Variants in SLC39A11 observed in about 807,000 individuals in gnomAD.
The protein encoded by SLC39A11 is solute carrier family 39 member 11, also known as zinc transporter ZIP11.
In SLC39A11, 33 loss-of-function variants were observed where a neutral mutation model predicts 36.1. That is an observed-to-expected ratio of 0.91 (90% CI 0.69 to 1.22). The LOEUF is 1.22. SLC39A11 is among the 50% of genes most tolerant of loss of function. The pLI, the probability that SLC39A11 is intolerant of heterozygous loss-of-function variation, is 0.00. For missense variants in SLC39A11, 432 were observed against 430.3 expected (o/e 1.00, Z -0.03); for synonymous variants, 166 against 170.3 (o/e 0.97, Z 0.20).
intron 6 of SLC39A11, among the ~76,000 whole-genome samples, chr17:72,742,473 A>C (rs2074757276): frequency 6.6e-6 from 1 of 152,150 alleles, no homozygotes; most frequent in South Asian, 2.1e-4. Context: ...CTTGTTTGGC[A>C]CTAACACACC....
chr17:72,981,496 T>C (rs530155598), intron 4 of SLC39A11, among the ~76,000 whole-genome samples: 150 of 151,776 alleles, frequency 9.9e-4, no homozygotes, highest in Non-Finnish European at 1.2e-3. Flanking sequence ...ACATACATTT[T>C]AATCTCTATC....
intron 4 of SLC39A11, among the ~76,000 whole-genome samples, chr17:73,020,636 G>A (rs76433793): frequency 6.6e-6 from 1 of 150,620 alleles, no homozygotes; most frequent in African/African-American, 2.4e-5. Flanking sequence ...CCATGTGAGA[G>A]AGAACAATGC....
At chr17:73,028,256 TA>T (rs553334612) in intron 4 of SLC39A11, among the ~76,000 whole-genome samples, 320 of 152,174 alleles carry the variant, frequency 2.1e-3, no homozygotes, top group African/African-American at 7.5e-3. Flanking sequence ...GCCCTGCTCC[TA>T]CCCTGTTAGA....
chr17:72,661,209 T>TAC (rs2070401153), intron 7 of SLC39A11, among the ~76,000 whole-genome samples: 1 of 152,112 alleles, frequency 6.6e-6, no homozygotes, highest in South Asian at 2.1e-4. Context: ...ATTCCAGGGG[T>TAC]ACTTTTCACC....
At position 72,824,647 on chromosome 17, in the gene SLC39A11, C is replaced by A. The variant is rs183500396; in HGVS notation, c.601+24987G>T. Among the ~76,000 whole-genome samples, 3 of 151,392 alleles carry A rather than the reference C, an allele frequency of 2.0e-5. No individual in the cohort carries two copies. The East Asian group carries it at 5.8e-4, about 29-fold the overall frequency. On this transcript the variant is annotated intron_variant, in intron 6 of 9. Transcript: ENST00000255559. The stretch of plus-strand genomic sequence containing the variant: ...TGTGACCAAAATGCTGATAGTGATA[C>A]GGACAATGAAGTCCAGGCTGAAGTG...
chr17:72,890,750 C>A (rs1357999656), intron 5 of SLC39A11, among the ~76,000 whole-genome samples: 2 of 152,092 alleles, frequency 1.3e-5, no homozygotes, highest in Non-Finnish European at 2.9e-5. Flanking sequence ...CTAAGTAGAA[C>A]TGTGAGTCTG....
intron 3 of SLC39A11, among the ~76,000 whole-genome samples, chr17:73,037,343 T>C (rs2058954652): frequency 6.6e-6 from 1 of 152,232 alleles, no homozygotes; most frequent in Non-Finnish European, 1.5e-5. Context: ...TCAGCAATGC[T>C]CCTTTATATG....
chr17:73,009,082 A>AG (rs1437310419), intron 4 of SLC39A11, among the ~76,000 whole-genome samples: 1 of 139,746 alleles, frequency 7.2e-6, no homozygotes, highest in Non-Finnish European at 1.6e-5. Flanking sequence ...AAAAAAAGGC[A>AG]GGGGGGCGGG....
chr17:72,808,165 C>T (rs143284659), intron 6 of SLC39A11, among the ~76,000 whole-genome samples: 469 of 152,226 alleles, frequency 3.1e-3, no homozygotes, highest in Non-Finnish European at 5.2e-3. Context: ...AGAAATGGAC[C>T]AGAGGCTCAT....
At chr17:72,988,515 G>A (rs781602816) in intron 4 of SLC39A11, among the ~76,000 whole-genome samples, 11 of 151,924 alleles carry the variant, frequency 7.2e-5, no homozygotes, top group Non-Finnish European at 1.6e-4. Flanking sequence ...ACTGACTCTA[G>A]TCACCCTACT....
At chr17:73,010,558 G>A (rs1277358686) in intron 4 of SLC39A11, among the ~76,000 whole-genome samples, 2 of 152,306 alleles carry the variant, frequency 1.3e-5, no homozygotes, top group African/African-American at 4.8e-5. Flanking sequence ...AACCTCCAGA[G>A]GGAGGTCTAG....
At chr17:72,831,453 G>T (rs982115872) in intron 6 of SLC39A11, among the ~76,000 whole-genome samples, 4 of 152,210 alleles carry the variant, frequency 2.6e-5, no homozygotes, top group African/African-American at 9.6e-5. Context: ...CAAATCACCT[G>T]TGAAGCAGAG....
At chr17:72,872,061 G>C (rs1207824122) in intron 5 of SLC39A11, among the ~76,000 whole-genome samples, 1 of 152,194 alleles carries the variant, frequency 6.6e-6, no homozygotes, top group African/African-American at 2.4e-5. Context: ...GTTCTGTGTT[G>C]AGTGATAGTA....
intron 6 of SLC39A11, among the ~76,000 whole-genome samples, chr17:72,790,664 T>A (rs904367884): frequency 6.6e-6 from 1 of 152,012 alleles, no homozygotes; most frequent in African/African-American, 2.4e-5. Flanking sequence ...CCTGAGTAGC[T>A]GGGATTACAG....
intron 7 of SLC39A11, among the ~76,000 whole-genome samples, chr17:72,728,373 T>C (rs564452663): frequency 2.1e-4 from 32 of 151,730 alleles, no homozygotes; most frequent in African/African-American, 6.8e-4. Flanking sequence ...GCCCAGGGGG[T>C]CGAGGGTGCA....
At chr17:72,675,287 C>T (rs953383057) in intron 7 of SLC39A11, among the ~76,000 whole-genome samples, 1 of 152,150 alleles carries the variant, frequency 6.6e-6, no homozygotes, top group African/African-American at 2.4e-5. Flanking sequence ...AGTGAGCTAG[C>T]TAGTTCTTCC....
intron 5 of SLC39A11, among the ~76,000 whole-genome samples, chr17:72,928,598 G>T (rs1278259526): frequency 6.6e-6 from 1 of 151,984 alleles, no homozygotes; most frequent in Non-Finnish European, 1.5e-5. Context: ...TGGCTTTGAA[G>T]GAAAAAAAAA....
At chr17:72,944,759 G>C (rs2147670851) in intron 5 of SLC39A11, among the ~76,000 whole-genome samples, 1 of 152,298 alleles carries the variant, frequency 6.6e-6, no homozygotes, top group Admixed American at 6.5e-5. Context: ...CATCCAGAGA[G>C]GGCTAATTAG....
intron 6 of SLC39A11, among the ~76,000 whole-genome samples, chr17:72,743,368 A>G (rs1376217561): frequency 6.6e-6 from 1 of 152,176 alleles, no homozygotes; most frequent in African/African-American, 2.4e-5. Context: ...AAGGGAATGC[A>G]TTTTCCCTCC....
Sources: gnomAD v4.1 joint callset for allele counts (sites outside exome capture counted in the v4.1 genomes callset) on GRCh38, gnomAD v4.1.1 for gene constraint, MANE v1.5 for transcripts, NCBI Gene and HGNC (gene_info 2026-07-23, HGNC 2026-07-21) for gene names.